THNSL1: variants seen among roughly 807,000 people sequenced by gnomAD.
THNSL1 encodes threonine synthase-like 1.
A neutral mutation model predicts 50.4 loss-of-function variants in THNSL1; 48 were observed. The ratio of observed to expected loss-of-function variants is 0.95; its 90% confidence interval spans 0.76 to 1.21. The LOEUF is 1.21. Ranked by LOEUF, THNSL1 falls within the 50% of genes most tolerant of loss-of-function variation. The pLI is 0.00. For synonymous variants in THNSL1, 309 were observed against 306.1 expected, an observed-to-expected ratio of 1.01 and a Z score of -0.10; for missense variants, 896 against 871.7, an observed-to-expected ratio of 1.03 and a Z score of -0.35.
chr10:24,991,463 A>G, the THNSL1 span, among the ~76,000 whole-genome samples: 6 of 151,546 alleles, frequency 4.0e-5, no homozygotes, highest in African/African-American at 9.7e-5. Flanking sequence ...GAACACATCA[A>G]TGGAAGAACG....
the THNSL1 span, chr10:24,984,342 A>T: frequency 1.3e-6 from 2 of 1,597,880 alleles, no homozygotes; most frequent in Admixed American, 3.5e-5. Context: ...CAAAATACTT[A>T]ACAGTTTTCA....
the THNSL1 span, among the ~76,000 whole-genome samples, chr10:24,957,550 G>A: frequency 5.9e-5 from 9 of 152,022 alleles, no homozygotes; most frequent in Admixed American, 3.3e-4. Context: ...GTTTTATCTC[G>A]GCTCACTGCA....
the THNSL1 span, chr10:24,952,498 C>G: frequency 1.3e-5 from 20 of 1,568,300 alleles, no homozygotes; most frequent in Non-Finnish European, 1.7e-5. The surrounding 1 kb of genome is among the most constrained non-coding windows in gnomAD (Gnocchi z 5.1). Flanking sequence ...GGGAGCGGGC[C>G]GAGCCCCAAA....
the THNSL1 span, among the ~76,000 whole-genome samples, chr10:24,954,853 C>T: frequency 6.6e-5 from 10 of 152,104 alleles, no homozygotes; most frequent in South Asian, 2.1e-4. Flanking sequence ...TTGCAAAGAC[C>T]GGTATCCAGA....
chr10:24,968,916 C>T, the THNSL1 span, among the ~76,000 whole-genome samples: 20 of 152,160 alleles, frequency 1.3e-4, no homozygotes, highest in Admixed American at 4.6e-4. Context: ...TTTCTTGAGA[C>T]GGAGTCTCGC....
the THNSL1 span, among the ~76,000 whole-genome samples, chr10:25,000,298 C>T: frequency 2.0e-5 from 3 of 152,052 alleles, no homozygotes; most frequent in Non-Finnish European, 2.9e-5. Context: ...TATGTTGTGC[C>T]GCTGTTGGCT....
the THNSL1 span, among the ~76,000 whole-genome samples, chr10:24,955,803 A>G: frequency 6.6e-6 from 1 of 152,060 alleles, no homozygotes; most frequent in Non-Finnish European, 1.5e-5. Context: ...AAACTTAGCC[A>G]GGTGTGGTAG....
chr10:24,971,300 C>CACAGGTTA, the THNSL1 span, among the ~76,000 whole-genome samples: 3,651 of 152,166 alleles, frequency 0.024, 140 homozygotes, highest in African/African-American at 0.073. Context: ...AGACAGGTTG[C>CACAGGTTA]CACTATGTTA....
At chr10:24,985,777 C>T in the THNSL1 span, among the ~76,000 whole-genome samples, 1 of 152,148 alleles carries the variant, frequency 6.6e-6, no homozygotes, top group Non-Finnish European at 1.5e-5. Context: ...ATTATGGGCA[C>T]ATAGATTATT....
At chr10:24,995,029 T>C in the THNSL1 span, among the ~76,000 whole-genome samples, 1 of 152,038 alleles carries the variant, frequency 6.6e-6, no homozygotes, top group Non-Finnish European at 1.5e-5. Flanking sequence ...TCAAAAAAAA[T>C]CTATATTTAA....
the THNSL1 span, among the ~76,000 whole-genome samples, chr10:24,956,600 G>A: frequency 1.3e-5 from 2 of 151,528 alleles, no homozygotes; most frequent in African/African-American, 4.9e-5. Context: ...ATTGCATAAT[G>A]ATCAACTCAG....
chr10:25,001,743 T>G, the THNSL1 span, among the ~76,000 whole-genome samples: 1 of 152,200 alleles, frequency 6.6e-6, no homozygotes, highest in Admixed American at 6.5e-5. Context: ...TTTCCCCATC[T>G]TGGTTCATGC....
chr10:24,998,772 G>C, the THNSL1 span, among the ~76,000 whole-genome samples: 6 of 151,898 alleles, frequency 4.0e-5, no homozygotes, highest in Admixed American at 3.9e-4. Flanking sequence ...TATAATTTTT[G>C]AGGCCCAGTA....
chr10:24,986,925 C>T, the THNSL1 span, among the ~76,000 whole-genome samples: 3 of 152,102 alleles, frequency 2.0e-5, no homozygotes, highest in Non-Finnish European at 2.9e-5. Context: ...GAAATAATAT[C>T]GTTCATTTTG....
the THNSL1 span, among the ~76,000 whole-genome samples, chr10:24,981,504 C>T: frequency 6.6e-6 from 1 of 152,178 alleles, no homozygotes; most frequent in African/African-American, 2.4e-5. Context: ...GTGGTTCAAA[C>T]AAGTCCTCTC....
In THNSL1 at chr10:25,024,486, T is replaced by C. The variant is rs746853529; in HGVS notation, c.1263T>C (p.Ile421=). The C allele has an allele frequency of 9.3e-6, 15 of 1,614,184 alleles. No homozygotes were observed. Among genetic ancestry groups the C allele is most frequent in the Non-Finnish European group, 1.2e-5 (14 of 1,180,028 alleles). The change falls in exon 3 of 3, where the codon ATT becomes ATC. Residue 421 remains isoleucine, a synonymous_variant. Transcript: ENST00000376356. ...GTGATTTTCAAAAAGCACAAATAAT[T>C]GGCAGTCAGAGAGAAAATGGATGGG... ...GVSDFQKAQI[I]GSQRENGWAV...
chr10:24,972,822 C>T, the THNSL1 span, among the ~76,000 whole-genome samples: 2 of 152,066 alleles, frequency 1.3e-5, no homozygotes, highest in Non-Finnish European at 2.9e-5. Flanking sequence ...AAGATAAGTC[C>T]AGCTATGAAT....
chr10:24,971,305 A>ACACAGCC, the THNSL1 span, among the ~76,000 whole-genome samples: 6,953 of 152,164 alleles, frequency 0.046, 473 homozygotes, highest in African/African-American at 0.15. Context: ...GGTTGCCACT[A>ACACAGCC]TGTTACACAG....
In THNSL1 at chr10:25,023,829, C is replaced by A. The variant is rs1213309785; in HGVS notation, c.606C>A (p.Phe202Leu). ...YYKKWYDARV[F>L]CESGASPEEV... ...AGAAGTGGTATGATGCTCGTGTTTT[C>A]TGTGAAAGTGGGGCTTCCCCAGAGG... Residue 202 changes from phenylalanine to leucine, a missense_variant, in exon 3 of 3, where the codon TTC becomes TTA. Physicochemically the swap from Phe to Leu is conservative, Grantham distance 22. Coordinates refer to ENST00000376356, the MANE Select transcript of THNSL1 (RefSeq NM_024838.5). The A allele has an allele frequency of 6.2e-7, 1 of 1,614,174 alleles. No homozygotes were observed. Among genetic ancestry groups the A allele is most frequent in the Non-Finnish European group, 8.5e-7 (1 of 1,180,026 alleles).
Sources: allele counts gnomAD v4.1 joint callset (sites outside exome capture counted in the v4.1 genomes callset), GRCh38; gene constraint gnomAD v4.1.1; non-coding constraint Gnocchi (gnomAD v3.1); transcripts MANE v1.5; gene names NCBI Gene and HGNC (gene_info 2026-07-23, HGNC 2026-07-21).